The following KCNC2 variants were observed in gnomAD, a reference collection of about 807,000 sequenced individuals.
The protein encoded by KCNC2 is voltage-gated potassium channel KCNC2.
A neutral mutation model predicts 44.5 loss-of-function variants in KCNC2; 21 were observed. The ratio of observed to expected loss-of-function variants is 0.47; its 90% CI spans 0.33 to 0.68. KCNC2 has a LOEUF of 0.68. Among genes scored for constraint, KCNC2 ranks in the 30% least tolerant of loss-of-function variants. The pLI is 0.01. For synonymous variants in KCNC2, 391 were observed against 339.1 expected, an observed-to-expected ratio of 1.15 and a Z score of -1.68; for missense variants, 589 against 826.2, an observed-to-expected ratio of 0.71 and a Z score of 3.52.
In KCNC2 at chr12:75,066,337, T is replaced by G. The variant is rs184883274; in HGVS notation, c.688-15020A>C. Among the ~76,000 whole-genome samples the G allele has an allele frequency of 1.4e-3, 210 of 152,276 alleles. 1 individual carries two copies. The highest frequency in any genetic ancestry group is 4.7e-3 in the African/African-American group (196 of 41,572). Reference sequence around the variant, plus strand: ...GCTCCTTGCAGCATTGGAAGTAATATTAAGGATTTCAAATACAGCAGGTCA... The same window carrying G: ...GCTCCTTGCAGCATTGGAAGTAATAGTAAGGATTTCAAATACAGCAGGTCA... On this transcript the variant is annotated intron_variant, in intron 2 of 4. Transcript: ENST00000549446.
At chr12:75,116,750 G>C (rs1014174608) in intron 2 of KCNC2, among the ~76,000 whole-genome samples, 2 of 152,108 alleles carry the variant, frequency 1.3e-5, no homozygotes, top group Non-Finnish European at 2.9e-5. Flanking sequence ...GGCAGTCTCA[G>C]CCTGTAGCCT....
At chr12:75,104,577 T>C (rs1475072048) in intron 2 of KCNC2, among the ~76,000 whole-genome samples, 5 of 152,146 alleles carry the variant, frequency 3.3e-5, no homozygotes, top group Non-Finnish European at 7.4e-5. Flanking sequence ...CAATATACTT[T>C]AATTCTGAGC....
intron 2 of KCNC2, among the ~76,000 whole-genome samples, chr12:75,178,073 G>A (rs535812880): frequency 1.3e-5 from 2 of 152,148 alleles, no homozygotes; most frequent in South Asian, 2.1e-4. Flanking sequence ...GAGAATATTG[G>A]TTAATCCTCT....
chr12:75,151,055 C>A (rs1033471461), intron 2 of KCNC2, among the ~76,000 whole-genome samples: 11 of 151,804 alleles, frequency 7.2e-5, no homozygotes, highest in Non-Finnish European at 1.6e-4. Flanking sequence ...ACAGTTTTTG[C>A]CTGAAGTCAA....
At chr12:75,167,491 A>G (rs1385877061) in intron 2 of KCNC2, among the ~76,000 whole-genome samples, 1 of 151,440 alleles carries the variant, frequency 6.6e-6, no homozygotes, top group Non-Finnish European at 1.5e-5. Flanking sequence ...GATGTAATGC[A>G]TGAAAAGAAA....
chr12:75,110,121 C>G (rs1260814990), intron 2 of KCNC2, among the ~76,000 whole-genome samples: 5 of 151,924 alleles, frequency 3.3e-5, no homozygotes, highest in African/African-American at 1.2e-4. Flanking sequence ...AGAGAATAAT[C>G]AAGCCAACAA....
intron 2 of KCNC2, among the ~76,000 whole-genome samples, chr12:75,066,481 A>C (rs1358237555): frequency 2.0e-5 from 3 of 152,198 alleles, no homozygotes; most frequent in South Asian, 2.1e-4. Context: ...GCTTTTAAAA[A>C]TAAAAGATTT....
At chr12:75,084,260 A>C (rs1884769247) in intron 2 of KCNC2, among the ~76,000 whole-genome samples, 1 of 100,844 alleles carries the variant, frequency 9.9e-6, no homozygotes, top group Admixed American at 1.2e-4. Flanking sequence ...ATGATGATAG[A>C]TAGATAGATT....
At chr12:75,161,524 T>C (rs17114747) in intron 2 of KCNC2, among the ~76,000 whole-genome samples, 20,104 of 151,700 alleles carry the variant, frequency 0.13, 1,563 homozygotes, top group Middle Eastern at 0.28. Context: ...CAACATGAAA[T>C]TAAACCATCC....
At chr12:75,103,849 A>G (rs1374222048) in intron 2 of KCNC2, among the ~76,000 whole-genome samples, 2 of 152,236 alleles carry the variant, frequency 1.3e-5, no homozygotes, top group African/African-American at 4.8e-5. Flanking sequence ...ATGTGCTGTA[A>G]TAAAAGCTAT....
intron 2 of KCNC2, chr12:75,124,852 C>G (rs1230497722): frequency 6.6e-6 from 1 of 152,228 alleles, no homozygotes; most frequent in African/African-American, 2.4e-5. Flanking sequence ...CGCCTGTAAT[C>G]CCAGCACTTT....
At chr12:75,120,959 T>G (rs1888006310) in intron 2 of KCNC2, among the ~76,000 whole-genome samples, 1 of 152,194 alleles carries the variant, frequency 6.6e-6, no homozygotes, top group Non-Finnish European at 1.5e-5. Context: ...CCCATTTCAT[T>G]TCCCTCTGCA....
rs75586000 is a variant in KCNC2 at position 75,127,731 on chromosome 12, A to G, written c.688-76414T>C. 2.4e-4 allele frequency among the ~76,000 whole-genome samples: 37 copies of G among 152,322 alleles called. 1 individual carries two copies. The East Asian group carries it at 6.8e-3, about 28-fold the overall frequency. ...AGGCTGTAGCCATATAAAAATACAT[A>G]GTGGAGACTTTTCTCCAAGCTAAGA... is the stretch of plus-strand genomic sequence containing the variant. On this transcript the variant is annotated intron_variant, in intron 2 of 4. Coordinates refer to ENST00000549446, the MANE Select transcript of KCNC2 (RefSeq NM_139137.4).
At chr12:75,167,783 T>C (rs1245609110) in intron 2 of KCNC2, among the ~76,000 whole-genome samples, 1 of 151,130 alleles carries the variant, frequency 6.6e-6, no homozygotes, top group Non-Finnish European at 1.5e-5. Flanking sequence ...ATTATTTGCA[T>C]TTTTTTTCTT....
intron 2 of KCNC2, among the ~76,000 whole-genome samples, chr12:75,206,628 G>A (rs192864119): frequency 6.6e-6 from 1 of 152,294 alleles, no homozygotes; most frequent in Admixed American, 6.5e-5. Flanking sequence ...CAAAAGGGAC[G>A]AGGCTCAAAA....
chr12:75,115,948 G>A (rs936309347), intron 2 of KCNC2, among the ~76,000 whole-genome samples: 8 of 152,094 alleles, frequency 5.3e-5, no homozygotes, highest in Admixed American at 6.6e-5. Flanking sequence ...CAGGTTGCTT[G>A]AGCGCAGCAA....
intron 2 of KCNC2, among the ~76,000 whole-genome samples, chr12:75,141,215 C>CT (rs2137404793): frequency 6.6e-6 from 1 of 152,320 alleles, no homozygotes; most frequent in Non-Finnish European, 1.5e-5. Context: ...CCTTCAACCA[C>CT]TTTCACTGCA....
intron 2 of KCNC2, among the ~76,000 whole-genome samples, chr12:75,134,566 C>T (rs542912181): frequency 5.9e-5 from 9 of 151,646 alleles, no homozygotes; most frequent in Middle Eastern, 3.4e-3. Flanking sequence ...TACCACTATC[C>T]TATCCACAGA....
chr12:75,169,575 C>A (rs1891677515), intron 2 of KCNC2, among the ~76,000 whole-genome samples: 1 of 151,518 alleles, frequency 6.6e-6, no homozygotes, highest in Non-Finnish European at 1.5e-5. Context: ...TTTACTTTTT[C>A]ACTTTTGGTA....
Sources: allele counts gnomAD v4.1 joint callset (sites outside exome capture counted in the v4.1 genomes callset), GRCh38; gene constraint gnomAD v4.1.1; transcripts MANE v1.5; gene names NCBI Gene and HGNC (gene_info 2026-07-23, HGNC 2026-07-21).